The following ADAMTS17 variants were observed in gnomAD, a reference collection of about 807,000 sequenced individuals.
The protein encoded by ADAMTS17 is ADAM metallopeptidase with thrombospondin type 1 motif 17.
ADAMTS17 carries 113 observed loss-of-function variants against 141.5 expected under a neutral mutation model. That is an observed-to-expected ratio of 0.80 (90% CI 0.69 to 0.93). The LOEUF (loss-of-function observed/expected upper bound fraction) is 0.93. ADAMTS17 is among the 40% of genes least tolerant of loss of function. The pLI is 0.00. For synonymous variants in ADAMTS17, 768 were observed against 630.6 expected (o/e 1.22, Z -3.27); for missense variants, 1,659 against 1,517.9 (o/e 1.09, Z -1.54).
chr15:100,309,343 G>A (rs1402840027), intron 3 of ADAMTS17, among the ~76,000 whole-genome samples: 1 of 152,204 alleles, frequency 6.6e-6, no homozygotes, highest in Non-Finnish European at 1.5e-5. Context: ...TGGGTGACAG[G>A]GCGACACCCT....
chr15:100,042,686 A>T (rs2141544602), intron 18 of ADAMTS17, among the ~76,000 whole-genome samples: 1 of 152,314 alleles, frequency 6.6e-6, no homozygotes, highest in East Asian at 1.9e-4. Context: ...TGAGATGGCT[A>T]CTGAGTGACA....
At chr15:100,087,270 C>A (rs967197521) in intron 15 of ADAMTS17, among the ~76,000 whole-genome samples, 1 of 152,164 alleles carries the variant, frequency 6.6e-6, no homozygotes, top group Non-Finnish European at 1.5e-5. Flanking sequence ...CACATACACC[C>A]TCCCAAGACG....
intron 8 of ADAMTS17, among the ~76,000 whole-genome samples, chr15:100,162,372 T>C (rs571388228): frequency 2.8e-4 from 41 of 147,818 alleles, no homozygotes; most frequent in African/African-American, 9.3e-4. Flanking sequence ...TATAGTTATA[T>C]ATATGTTATA....
chr15:99,998,162 C>T (rs113043447), intron 18 of ADAMTS17, among the ~76,000 whole-genome samples: 2,395 of 152,252 alleles, frequency 0.016, 74 homozygotes, highest in African/African-American at 0.053. Flanking sequence ...CAGCCCACAC[C>T]GGTCCCAGCT....
At chr15:99,981,264 A>G (rs1424082434) in intron 20 of ADAMTS17, among the ~76,000 whole-genome samples, 2 of 152,242 alleles carry the variant, frequency 1.3e-5, no homozygotes, top group Non-Finnish European at 2.9e-5. Context: ...TATAAATAGA[A>G]CTGCTCCATG....
At chr15:100,172,729 G>A (rs913398528) in intron 8 of ADAMTS17, among the ~76,000 whole-genome samples, 5 of 152,218 alleles carry the variant, frequency 3.3e-5, no homozygotes, top group African/African-American at 9.7e-5. Flanking sequence ...CAACACAGCA[G>A]TAGGGGCTAC....
intron 15 of ADAMTS17, among the ~76,000 whole-genome samples, chr15:100,061,703 T>C (rs572323724): frequency 5.3e-5 from 8 of 152,318 alleles, no homozygotes; most frequent in African/African-American, 1.9e-4. Context: ...GGAGCAGCCA[T>C]GCTGGGAAAT....
At chr15:100,294,542 G>A (rs1449902561) in intron 3 of ADAMTS17, among the ~76,000 whole-genome samples, 12 of 150,908 alleles carry the variant, frequency 8.0e-5, no homozygotes, top group Admixed American at 1.3e-4. Context: ...TGAGACCAGC[G>A]TGGGCAAAAA....
rs778582648 is a variant in ADAMTS17 at position 99,974,406 on chromosome 15, G to A, written c.3284C>T (p.Ser1095Leu). 27 of 1,614,036 alleles carry A rather than the reference G, an allele frequency of 1.7e-5. No individual in the cohort carries two copies. Among genetic ancestry groups the A allele is most frequent in the African/African-American group, 8.0e-5 (6 of 74,940 alleles). The change falls in exon 22 of 22, where the codon TCG (serine) becomes TTG (leucine). Residue 1095 changes from serine to leucine, a missense_variant. Coordinates refer to ENST00000268070, the MANE Select transcript of ADAMTS17 (RefSeq NM_139057.4). ...AGCGACCCTTGGGACTGCGTGTCAC[G>A]AGTTCGGCGGTGGCTGGCGCATCTT... ...ANKMRQPPPN[S>L]
chr15:100,122,405 A>G (rs933030366), intron 12 of ADAMTS17, among the ~76,000 whole-genome samples: 4 of 152,106 alleles, frequency 2.6e-5, no homozygotes, highest in Admixed American at 6.5e-5. Flanking sequence ...ATAATCCCCA[A>G]TTGCTATGCG....
chr15:99,985,380 C>T (rs1316772045), intron 20 of ADAMTS17, among the ~76,000 whole-genome samples: 1 of 152,216 alleles, frequency 6.6e-6, no homozygotes, highest in Non-Finnish European at 1.5e-5. Context: ...GCCTTGTGCA[C>T]TTGATTTTTG....
chr15:100,339,951 G>C (rs149558441), intron 2 of ADAMTS17, among the ~76,000 whole-genome samples: 3 of 152,212 alleles, frequency 2.0e-5, no homozygotes, highest in Non-Finnish European at 4.4e-5. Context: ...CACAGACTCT[G>C]TGAGTAAGGG....
chr15:100,157,310 A>AG (rs1167269280), intron 8 of ADAMTS17, among the ~76,000 whole-genome samples: 4 of 152,202 alleles, frequency 2.6e-5, no homozygotes, highest in Non-Finnish European at 5.9e-5. Flanking sequence ...CTCAAAGAAG[A>AG]GGCTTTCCCT....
At chr15:100,199,499 A>G (rs974982675) in intron 7 of ADAMTS17, 76 bp from the exon 8 acceptor site, 20 of 1,197,790 alleles carry the variant, frequency 1.7e-5, no homozygotes, top group Admixed American at 1.2e-4. Flanking sequence ...CCGCACGGTC[A>G]ACGTCATGCA....
chr15:100,123,617 C>T (rs535150553), intron 12 of ADAMTS17, among the ~76,000 whole-genome samples: 25 of 152,244 alleles, frequency 1.6e-4, no homozygotes, highest in Non-Finnish European at 3.2e-4. Flanking sequence ...AGCCGACACG[C>T]CCAGAGGGCT....
At chr15:100,281,701 T>C (rs117295034) in intron 3 of ADAMTS17, among the ~76,000 whole-genome samples, 1,703 of 152,148 alleles carry the variant, frequency 0.011, 16 homozygotes, top group Non-Finnish European at 0.017. Flanking sequence ...CCCACCCCTT[T>C]AGAGAAGCAC....
chr15:100,119,933 T>C (rs946713910), intron 12 of ADAMTS17, among the ~76,000 whole-genome samples: 3 of 152,222 alleles, frequency 2.0e-5, no homozygotes, highest in African/African-American at 7.2e-5. Context: ...GCTATGCTGC[T>C]TACCACTAAC....
At chr15:100,153,409 G>A (rs942808823) in intron 9 of ADAMTS17, among the ~76,000 whole-genome samples, 14 of 152,126 alleles carry the variant, frequency 9.2e-5, no homozygotes, top group African/African-American at 3.4e-4. Flanking sequence ...GGGAGGCTGA[G>A]GTGGGTGGAT....
At chr15:100,228,162 C>G (rs74512294) in intron 7 of ADAMTS17, among the ~76,000 whole-genome samples, 1 of 152,206 alleles carries the variant, frequency 6.6e-6, no homozygotes. Flanking sequence ...CTCACCTACA[C>G]GCTCTTTCCC....
Sources: allele counts gnomAD v4.1 joint callset (sites outside exome capture counted in the v4.1 genomes callset), GRCh38; gene constraint gnomAD v4.1.1; transcripts MANE v1.5; gene names NCBI Gene and HGNC (gene_info 2026-07-23, HGNC 2026-07-21).